The following CFAP299 variants were observed in gnomAD, a reference collection of about 807,000 sequenced individuals.
CFAP299 encodes cilia- and flagella-associated protein 299.
CFAP299 carries 21 observed loss-of-function variants against 27.0 expected under a neutral mutation model. That is an observed-to-expected ratio of 0.78 (90% CI 0.55 to 1.12). CFAP299 has a LOEUF of 1.12. CFAP299 is among the 50% of genes most tolerant of loss of function. CFAP299 has a pLI of 0.00. For missense variants in CFAP299, 310 were observed against 276.6 expected (o/e 1.12, Z -0.86); for synonymous variants, 104 against 98.1 (o/e 1.06, Z -0.36).
At chr4:80,352,122 C>T (rs997525132) in intron 1 of CFAP299, among the ~76,000 whole-genome samples, 3 of 151,988 alleles carry the variant, frequency 2.0e-5, no homozygotes, top group African/African-American at 7.2e-5. Context: ...GCTTACATGC[C>T]TCATGCCAGA....
chr4:80,630,127 A>G (rs1739129205), intron 3 of CFAP299, among the ~76,000 whole-genome samples: 2 of 152,142 alleles, frequency 1.3e-5, no homozygotes, highest in South Asian at 4.1e-4. Context: ...AGAATCCTCC[A>G]CGGGATAATG....
chr4:80,952,496 C>T (rs746112679), intron 5 of CFAP299, among the ~76,000 whole-genome samples: 8 of 151,930 alleles, frequency 5.3e-5, no homozygotes, highest in Non-Finnish European at 1.2e-4. Context: ...TCCAGGGTAA[C>T]GGCAATGTGT....
intron 3 of CFAP299, among the ~76,000 whole-genome samples, chr4:80,699,387 A>G (rs988106653): frequency 1.3e-5 from 2 of 152,112 alleles, no homozygotes; most frequent in Admixed American, 6.6e-5. Context: ...TTCAAACTCC[A>G]TAACTCCCGA....
At chr4:80,793,959 A>T (rs1369637892) in intron 3 of CFAP299, among the ~76,000 whole-genome samples, 1 of 152,044 alleles carries the variant, frequency 6.6e-6, no homozygotes, top group Non-Finnish European at 1.5e-5. Flanking sequence ...AATGACCCAA[A>T]CCTTCATTCC....
In CFAP299 at chr4:80,468,579, A is replaced by G. The variant is rs1386651879; in HGVS notation, c.242+105695A>G. Among the ~76,000 whole-genome samples the G allele has an allele frequency of 2.0e-5, 3 of 151,982 alleles. No homozygotes were observed. The East Asian group carries it at 5.8e-4, about 29-fold the overall frequency. ...GCTGGGCATGGCGACTCATGCCTGTAATCCCAGCATTTTAGGAGGCTGAGG... is the reference window on the plus strand; with the variant it reads ...GCTGGGCATGGCGACTCATGCCTGTGATCCCAGCATTTTAGGAGGCTGAGG... On this transcript the variant is annotated intron_variant, in intron 2 of 5. Transcript: ENST00000358105.
chr4:80,471,328 G>T (rs1260254990), intron 2 of CFAP299, among the ~76,000 whole-genome samples: 1 of 151,400 alleles, frequency 6.6e-6, no homozygotes, highest in Non-Finnish European at 1.5e-5. Context: ...AATGAAAAAT[G>T]TTTTCCAAAC....
At chr4:80,321,937 C>T in the CFAP299 span, among the ~76,000 whole-genome samples, 1 of 152,056 alleles carries the variant, frequency 6.6e-6, no homozygotes, top group African/African-American at 2.4e-5. Context: ...CCCCTTTGGC[C>T]GTGGAAAGTA....
At chr4:80,550,766 CA>C (rs1162499288) in intron 2 of CFAP299, among the ~76,000 whole-genome samples, 12 of 149,806 alleles carry the variant, frequency 8.0e-5, no homozygotes, top group Non-Finnish European at 1.5e-5. Flanking sequence ...TCAAAACACA[CA>C]CACACACACA....
intron 3 of CFAP299, among the ~76,000 whole-genome samples, chr4:80,681,354 A>T (rs1719827670): frequency 6.6e-6 from 1 of 152,134 alleles, no homozygotes; most frequent in Non-Finnish European, 1.5e-5. Flanking sequence ...GATGAAAGAC[A>T]AGCTGTACCC....
chr4:80,770,581 C>T (rs942738112), intron 3 of CFAP299, among the ~76,000 whole-genome samples: 2 of 152,142 alleles, frequency 1.3e-5, no homozygotes, highest in Admixed American at 6.5e-5. Context: ...CCTCAAGAGA[C>T]GTGTGTCCTT....
intron 3 of CFAP299, among the ~76,000 whole-genome samples, chr4:80,597,601 A>C (rs1171950622): frequency 6.6e-6 from 1 of 152,164 alleles, no homozygotes; most frequent in Non-Finnish European, 1.5e-5. Context: ...TATCTTTGCT[A>C]TCTCAAAGTT....
chr4:80,793,792 T>G (rs1449074734), intron 3 of CFAP299, among the ~76,000 whole-genome samples: 1 of 152,182 alleles, frequency 6.6e-6, no homozygotes, highest in Non-Finnish European at 1.5e-5. Context: ...ACAAACATGT[T>G]TTTAACAAAA....
At chr4:80,784,497 TTTTCTTTCTTTTTTTTCTTTTC>T (rs1560750346) in intron 3 of CFAP299, among the ~76,000 whole-genome samples, 2 of 151,848 alleles carry the variant, frequency 1.3e-5, no homozygotes, top group Non-Finnish European at 2.9e-5. Context: ...TCTTTCTTTC[TTTTCTTTCTTTTTTTTCTTTTC>T]TTTCTTTCTT....
At chr4:80,386,100 A>G in intron 2 of CFAP299, 1 of 464,408 alleles carries the variant, frequency 2.2e-6, no homozygotes. Context: ...ACTGGGAAGG[A>G]TCTCCAGTCT....
At chr4:80,335,995 G>C (rs1036246025) in intron 1 of CFAP299, 116 bp downstream of exon 1, 7 of 677,994 alleles carry the variant, frequency 1.0e-5, no homozygotes, top group Admixed American at 5.3e-5. Context: ...GTCAGGCGCC[G>C]CGGTTTCGGG....
At chr4:80,539,351 C>T (rs1031216824) in intron 2 of CFAP299, among the ~76,000 whole-genome samples, 2 of 152,172 alleles carry the variant, frequency 1.3e-5, no homozygotes, top group Non-Finnish European at 2.9e-5. Context: ...CACAGAACCA[C>T]ATGAGGAAGC....
intron 3 of CFAP299, among the ~76,000 whole-genome samples, chr4:80,607,939 G>C (rs886316644): frequency 1.1e-4 from 16 of 152,136 alleles, no homozygotes; most frequent in African/African-American, 3.9e-4. Flanking sequence ...GGGAGCCTAT[G>C]TATTGTAACA....
chr4:80,570,371 A>G (rs1735525582), intron 2 of CFAP299, among the ~76,000 whole-genome samples: 1 of 152,040 alleles, frequency 6.6e-6, no homozygotes, highest in Admixed American at 6.6e-5. Context: ...TTTGCAGAGC[A>G]TATAGTAAAT....
chr4:80,797,518 A>G (rs1361851680), intron 3 of CFAP299, among the ~76,000 whole-genome samples: 3 of 152,120 alleles, frequency 2.0e-5, no homozygotes, highest in Non-Finnish European at 4.4e-5. Flanking sequence ...CTTTACCTCT[A>G]CTGTCCATTA....
Sources: allele counts gnomAD v4.1 joint callset (sites outside exome capture counted in the v4.1 genomes callset), GRCh38; gene constraint gnomAD v4.1.1; transcripts MANE v1.5; gene names NCBI Gene and HGNC (gene_info 2026-07-23, HGNC 2026-07-21).